Variants in ADGRD1 observed in about 807,000 individuals in gnomAD.
ADGRD1 encodes the protein adhesion G protein-coupled receptor D1, also known as G-protein coupled receptor 133.
In ADGRD1, 77 loss-of-function variants were observed where a neutral mutation model predicts 113.4. The ratio of observed to expected loss-of-function variants is 0.68; its 90% confidence interval spans 0.57 to 0.82. The LOEUF is 0.82. Among genes scored for constraint, ADGRD1 ranks in the 40% least tolerant of loss-of-function variants. The pLI, the probability that ADGRD1 is intolerant of heterozygous loss-of-function variation, is 0.00. For synonymous variants in ADGRD1, 474 were observed against 475.0 expected, an observed-to-expected ratio of 1.00 and a Z score of 0.03; for missense variants, 1,036 against 1,139.1, an observed-to-expected ratio of 0.91 and a Z score of 1.30.
chr12:131,087,491 C>G (rs1265986495), intron 15 of ADGRD1, among the ~76,000 whole-genome samples: 3 of 152,246 alleles, frequency 2.0e-5, no homozygotes, highest in Non-Finnish European at 2.9e-5. Flanking sequence ...GTGGAACTGC[C>G]AAGCCCTTGC....
chr12:131,135,911 C>T (rs1951066405), intron 21 of ADGRD1, 126 bp from the exon 22 acceptor site: 2 of 947,354 alleles, frequency 2.1e-6, no homozygotes, highest in African/African-American at 1.6e-5. Flanking sequence ...GCAGGGAGGA[C>T]CCCAGGTCTT....
chr12:131,052,214 T>C (rs1016982605), intron 13 of ADGRD1, among the ~76,000 whole-genome samples: 15 of 152,168 alleles, frequency 9.9e-5, no homozygotes, highest in African/African-American at 3.1e-4. Flanking sequence ...CTGGGAACAC[T>C]GGGCTGTGCG....
At chr12:130,967,827 AC>A (rs1871181264) in intron 3 of ADGRD1, 1 of 152,390 alleles carries the variant, frequency 6.6e-6, no homozygotes, top group African/African-American at 2.4e-5. Flanking sequence ...TAGGGCAGCA[AC>A]ATGGCCACAT....
intron 18 of ADGRD1, among the ~76,000 whole-genome samples, chr12:131,116,293 T>G (rs1950461443): frequency 6.6e-6 from 1 of 152,238 alleles, no homozygotes; most frequent in Non-Finnish European, 1.5e-5. Context: ...CCACAGTCAC[T>G]GCTGGGCCCC....
Position 131,041,500 on chromosome 12 carries a change from C to T in ADGRD1, c.1473+27160C>T, listed in dbSNP as rs562178282. On this transcript the variant is annotated intron_variant, in intron 13 of 24. Coordinates refer to ENST00000261654, the MANE Select transcript of ADGRD1 (RefSeq NM_198827.5). The surrounding 1 kb of genome is among the most constrained non-coding windows in gnomAD (Gnocchi z 4.4). Reference sequence around the variant, plus strand: ...GTGACCTTGGCAGGGAGACCGAGACCGAGACCACTTTGTGACCTCCGCAGG... The same window carrying T: ...GTGACCTTGGCAGGGAGACCGAGACTGAGACCACTTTGTGACCTCCGCAGG... Among the ~76,000 whole-genome samples, 39 of 152,290 alleles carry T rather than the reference C, an allele frequency of 2.6e-4. No individual in the cohort carries two copies. The South Asian group carries it at 7.9e-3, about 31-fold the overall frequency.
chr12:131,124,642 G>A (rs1054202855), intron 20 of ADGRD1, among the ~76,000 whole-genome samples: 59 of 152,032 alleles, frequency 3.9e-4, no homozygotes, highest in African/African-American at 1.3e-3. Flanking sequence ...CCCACCAGGC[G>A]TCTACAGCCA....
Position 131,139,314 on chromosome 12 carries a change from A to G in ADGRD1, c.*51A>G, listed in dbSNP as rs756293456. 5.7e-6 allele frequency: 7 copies of G among 1,228,732 alleles called. No homozygotes were observed. Among genetic ancestry groups the G allele is most frequent in the Non-Finnish European group, 7.0e-6 (6 of 851,486 alleles). The allele number at this position is 1,228,732 out of a possible 1,614,324, so 76.1% of individuals were successfully genotyped here. ...GCTGCGCTCAGAACACACCCCCCCA[A>G]ACAGAATGAAATGCCCCACCTTTGC... is the stretch of plus-strand genomic sequence containing the variant. On this transcript the variant is annotated 3_prime_UTR_variant, in exon 25 of 25. Coordinates refer to ENST00000261654, the MANE Select transcript of ADGRD1 (RefSeq NM_198827.5).
chr12:131,086,662 C>T (rs537092000), intron 15 of ADGRD1, among the ~76,000 whole-genome samples: 1 of 152,380 alleles, frequency 6.6e-6, no homozygotes, highest in South Asian at 2.1e-4. Flanking sequence ...TGCAGCCCCT[C>T]ACAGGGCGAA....
Position 131,057,789 on chromosome 12 carries a change from G to A in ADGRD1, c.1474-19012G>A, listed in dbSNP as rs1260929582. 3.3e-5 allele frequency among the ~76,000 whole-genome samples: 5 copies of A among 152,074 alleles called. No homozygotes were observed. The highest frequency in any genetic ancestry group is 7.2e-5 in the African/African-American group (3 of 41,414). ...GAGACATGAATTTTGTGGGGAAACC[G>A]TTCAACCCACAACACAGGTGGAGCT... On this transcript the variant is annotated intron_variant, in intron 13 of 24. Coordinates refer to ENST00000261654, the MANE Select transcript of ADGRD1 (RefSeq NM_198827.5). The surrounding 1 kb of genome is among the most constrained non-coding windows in gnomAD (Gnocchi z 4.2).
At chr12:130,994,511 C>T (rs867643065) in intron 8 of ADGRD1, among the ~76,000 whole-genome samples, 1 of 152,206 alleles carries the variant, frequency 6.6e-6, no homozygotes, top group Non-Finnish European at 1.5e-5. Flanking sequence ...CACGGGCGCC[C>T]TCCCGTCTGA....
chr12:131,080,746 G>A (rs941218939), intron 14 of ADGRD1, among the ~76,000 whole-genome samples: 12 of 151,910 alleles, frequency 7.9e-5, no homozygotes, highest in Non-Finnish European at 1.2e-4. Context: ...TCAGCCTCCC[G>A]AGTAGCTGGG....
chr12:130,996,685 G>A (rs1252571337), intron 8 of ADGRD1, among the ~76,000 whole-genome samples: 2 of 97,498 alleles, frequency 2.1e-5, no homozygotes, highest in Admixed American at 9.0e-5. Context: ...CTCCCAGACG[G>A]GGCGGCTGGC....
Position 131,031,241 on chromosome 12 carries a change from C to T in ADGRD1, c.1473+16901C>T, listed in dbSNP as rs956104539. 8.5e-5 allele frequency among the ~76,000 whole-genome samples: 13 copies of T among 152,304 alleles called. No homozygotes were observed. The East Asian group carries it at 1.2e-3, about 14-fold the overall frequency. On this transcript the variant is annotated intron_variant, in intron 13 of 24. Transcript: ENST00000261654. ...TGTCATTTGTTGGGGGCTCTGACAG[C>T]GGAGCCCACTCACGTCTGGGGCAGC...
In ADGRD1 at chr12:131,004,263, A is replaced by C; in HGVS notation, c.1222A>C (p.Ile408Leu). ...CTTCCCGGCCCACGGGCAGAGCTTC[A>C]TCCAGATCCCCCACGAGGCCTTCCA... The part of the protein sequence containing the change: ...YRFPAHGQSF[I>L]QIPHEAFHRH... Residue 408 changes from isoleucine to leucine, a missense_variant, in exon 11 of 25, where the codon ATC becomes CTC. Transcript: ENST00000261654. 2 of 1,613,466 alleles carry C rather than the reference A, an allele frequency of 1.2e-6. No homozygotes were observed. The highest frequency in any genetic ancestry group is 2.2e-5 in the South Asian group (2 of 91,048).
intron 15 of ADGRD1, among the ~76,000 whole-genome samples, chr12:131,101,883 G>A (rs1950097322): frequency 6.6e-6 from 1 of 152,148 alleles, no homozygotes; most frequent in Non-Finnish European, 1.5e-5. Context: ...AGTGTGTCCT[G>A]TATTTGGTTT....
chr12:131,132,688 C>T (rs1484154843), intron 21 of ADGRD1, among the ~76,000 whole-genome samples: 1 of 152,196 alleles, frequency 6.6e-6, no homozygotes, highest in Non-Finnish European at 1.5e-5. Flanking sequence ...GATGGGGACT[C>T]AGGCTGGACC....
chr12:131,105,138 GGGGACACCTC>G (rs1439993233), intron 16 of ADGRD1, among the ~76,000 whole-genome samples: 2 of 152,162 alleles, frequency 1.3e-5, no homozygotes, highest in African/African-American at 4.8e-5. Flanking sequence ...CCATGGGCCT[GGGGACACCTC>G]AGCCCTGTGC....
chr12:131,131,635 C>T (rs564781404), intron 20 of ADGRD1, 90 bp from the exon 21 acceptor site: 1 of 855,522 alleles, frequency 1.2e-6, no homozygotes, highest in East Asian at 2.6e-5. Context: ...GCAGGGGTAG[C>T]CTGTGGTGAG....
intron 17 of ADGRD1, 50 bp downstream of exon 17, chr12:131,105,915 C>T (rs1459817050): frequency 1.4e-5 from 18 of 1,331,554 alleles, no homozygotes; most frequent in Admixed American, 1.8e-5. Flanking sequence ...CTTGCCTCCT[C>T]GGATGTCACC....
Sources: gnomAD v4.1 joint callset for allele counts (sites outside exome capture counted in the v4.1 genomes callset) on GRCh38, gnomAD v4.1.1 for gene constraint, Gnocchi (gnomAD v3.1) non-coding constraint, MANE v1.5 for transcripts, NCBI Gene and HGNC (gene_info 2026-07-23, HGNC 2026-07-21) for gene names.